The following MECOM variants were observed in gnomAD, a reference collection of about 807,000 sequenced individuals.
MECOM encodes histone-lysine N-methyltransferase MECOM.
A neutral mutation model predicts 116.3 loss-of-function variants in MECOM; 13 were observed. The ratio of observed to expected loss-of-function variants is 0.11; its 90% CI spans 0.07 to 0.18. The LOEUF (loss-of-function observed/expected upper bound fraction) is 0.18, where lower values mean the gene tolerates loss of function less well. Ranked by LOEUF, MECOM falls within the 10% of genes least tolerant of loss-of-function variation. MECOM has a pLI of 1.00. For missense variants in MECOM, 1,299 were observed against 1,509.0 expected, an observed-to-expected ratio of 0.86 and a Z score of 2.31; for synonymous variants, 528 against 535.2, an observed-to-expected ratio of 0.99 and a Z score of 0.19.
intron 1 of MECOM, among the ~76,000 whole-genome samples, chr3:169,637,473 A>G (rs1381355708): frequency 1.3e-5 from 2 of 152,222 alleles, no homozygotes; most frequent in Non-Finnish European, 2.9e-5. Flanking sequence ...AATGCCAAAG[A>G]TGACTCTGGG....
At chr3:169,430,246 T>A (rs1375413875) in intron 1 of MECOM, among the ~76,000 whole-genome samples, 2 of 152,204 alleles carry the variant, frequency 1.3e-5, no homozygotes, top group Non-Finnish European at 2.9e-5. Flanking sequence ...GACTTTTGCC[T>A]GTCCTAGCTA....
chr3:169,451,933 A>G (rs1368491718), intron 1 of MECOM, among the ~76,000 whole-genome samples: 1 of 151,830 alleles, frequency 6.6e-6, no homozygotes, highest in Non-Finnish European at 1.5e-5. Context: ...AAGCACAAAG[A>G]TGGGGAACTG....
At chr3:169,625,049 A>G (rs1228872165) in intron 1 of MECOM, among the ~76,000 whole-genome samples, 2 of 147,678 alleles carry the variant, frequency 1.4e-5, no homozygotes, top group South Asian at 2.1e-4. Context: ...AAAAAAAAAA[A>G]GAAAGGAAGA....
chr3:169,508,803 G>A (rs993522293), intron 1 of MECOM, among the ~76,000 whole-genome samples: 11 of 151,974 alleles, frequency 7.2e-5, no homozygotes, highest in Non-Finnish European at 1.2e-4. Context: ...ACTATTACAT[G>A]GCTTCTTTTA....
intron 2 of MECOM, among the ~76,000 whole-genome samples, chr3:169,252,746 T>A (rs1318266391): frequency 6.6e-6 from 1 of 152,154 alleles, no homozygotes; most frequent in African/African-American, 2.4e-5. Flanking sequence ...ACATGTCGAA[T>A]TCAGGTGTCA....
intron 1 of MECOM, among the ~76,000 whole-genome samples, chr3:169,468,824 G>A (rs1367241547): frequency 1.3e-5 from 2 of 152,104 alleles, no homozygotes; most frequent in African/African-American, 4.8e-5. Context: ...CTTACTTCAT[G>A]CAAAAGCAGC....
At chr3:169,662,721 C>T (rs1328721505) in intron 1 of MECOM, among the ~76,000 whole-genome samples, 4 of 152,224 alleles carry the variant, frequency 2.6e-5, no homozygotes, top group African/African-American at 9.6e-5. Flanking sequence ...TCCACCCGCC[C>T]GCCCGCGCAA....
Position 169,160,585 on chromosome 3 carries a change from ATGTACAATATATTAT to A in MECOM, c.376-16768_376-16754del, listed in dbSNP as rs527811492. ...ACAATAATATATTAGTTATTTTAAAATGTACAATATATTATTGTACAATATATTATTGTACATTTT... is the reference window on the plus strand; with the variant it reads ...ACAATAATATATTAGTTATTTTAAAATGTACAATATATTATTGTACATTTT... On this transcript the variant is annotated intron_variant, in intron 2 of 16. Transcript: ENST00000651503. Among the ~76,000 whole-genome samples the A allele has an allele frequency of 6.8e-3, 1,012 of 148,438 alleles. 8 individuals carry two copies. The highest frequency in any genetic ancestry group is 0.021 in the African/African-American group (876 of 40,926).
intron 1 of MECOM, among the ~76,000 whole-genome samples, chr3:169,654,859 G>A (rs1299216170): frequency 6.6e-6 from 1 of 150,756 alleles, no homozygotes; most frequent in Middle Eastern, 3.2e-3. Flanking sequence ...CTTGAGGTGG[G>A]GAAGAAGATA....
At chr3:169,548,971 C>CTTTT (rs756925389) in intron 1 of MECOM, among the ~76,000 whole-genome samples, 8 of 119,072 alleles carry the variant, frequency 6.7e-5, no homozygotes, top group South Asian at 2.7e-4. Flanking sequence ...ATTTGTCTCT[C>CTTTT]TTTTTTTTTT....
chr3:169,204,196 C>A (rs530958394), intron 2 of MECOM, among the ~76,000 whole-genome samples: 6 of 152,296 alleles, frequency 3.9e-5, no homozygotes, highest in South Asian at 2.1e-4. Flanking sequence ...TTGTTACAGA[C>A]AAATTGCTGC....
chr3:169,147,800 G>T, intron 2 of MECOM: 1 of 903,266 alleles, frequency 1.1e-6, no homozygotes, highest in Non-Finnish European at 1.3e-6. Flanking sequence ...GAGGGATGGG[G>T]AAGGGTAGAG....
At chr3:169,643,463 CTTTCT>C (rs1159066874) in intron 1 of MECOM, among the ~76,000 whole-genome samples, 1 of 152,184 alleles carries the variant, frequency 6.6e-6, no homozygotes, top group Non-Finnish European at 1.5e-5. Context: ...CTTCCACATT[CTTTCT>C]TCTGCCATCC....
At chr3:169,267,378 CTT>C (rs1000413986) in intron 2 of MECOM, among the ~76,000 whole-genome samples, 1 of 152,192 alleles carries the variant, frequency 6.6e-6, no homozygotes, top group African/African-American at 2.4e-5. Context: ...TAAAACCTCT[CTT>C]TACATCTCAT....
intron 2 of MECOM, among the ~76,000 whole-genome samples, chr3:169,275,053 G>A (rs1307747174): frequency 6.6e-6 from 1 of 152,180 alleles, no homozygotes; most frequent in Non-Finnish European, 1.5e-5. Context: ...AACTAGGCTA[G>A]GTAGCAAAGT....
At chr3:169,213,739 C>G (rs1751082197) in intron 2 of MECOM, among the ~76,000 whole-genome samples, 1 of 151,936 alleles carries the variant, frequency 6.6e-6, no homozygotes. Flanking sequence ...AATATTTTAC[C>G]AATAATACAA....
intron 1 of MECOM, among the ~76,000 whole-genome samples, chr3:169,616,169 C>T (rs1040703663): frequency 6.6e-6 from 1 of 152,126 alleles, no homozygotes; most frequent in Admixed American, 6.5e-5. Context: ...TGCTTGGGGA[C>T]AATTGCTGGG....
At chr3:169,442,568 T>C (rs1175071078) in intron 1 of MECOM, among the ~76,000 whole-genome samples, 1 of 152,122 alleles carries the variant, frequency 6.6e-6, no homozygotes, top group Non-Finnish European at 1.5e-5. Flanking sequence ...AAAGGAAGCT[T>C]CAGATGTTTC....
At chr3:169,275,080 AT>A (rs1759417482) in intron 2 of MECOM, among the ~76,000 whole-genome samples, 1 of 152,208 alleles carries the variant, frequency 6.6e-6, no homozygotes, top group South Asian at 2.1e-4. Context: ...CAGAGTTCTC[AT>A]TGAAGTCCTT....
Sources: gnomAD v4.1 joint callset for allele counts (sites outside exome capture counted in the v4.1 genomes callset) on GRCh38, gnomAD v4.1.1 for gene constraint, MANE v1.5 for transcripts, NCBI Gene and HGNC (gene_info 2026-07-23, HGNC 2026-07-21) for gene names.